LRP1B: variants seen among roughly 807,000 people sequenced by gnomAD.
LRP1B encodes the protein low-density lipoprotein receptor-related protein 1B.
Under a neutral mutation model 556.6 loss-of-function variants are expected in LRP1B, and 217 were observed. The observed-to-expected ratio is 0.39, with a 90% CI of 0.35 to 0.44. The LOEUF (loss-of-function observed/expected upper bound fraction) is 0.44. Among genes scored for constraint, LRP1B ranks in the 20% least tolerant of loss-of-function variants. The pLI is 1.00. For synonymous variants in LRP1B, 2,047 were observed against 1,865.8 expected (o/e 1.10, Z -2.50); for missense variants, 5,053 against 5,620.8 (o/e 0.90, Z 3.23).
intron 15 of LRP1B, among the ~76,000 whole-genome samples, chr2:141,003,660 G>A (rs1697488013): frequency 6.6e-6 from 1 of 151,952 alleles, no homozygotes; most frequent in Non-Finnish European, 1.5e-5. Flanking sequence ...ATGCTTGTGA[G>A]GCCTCCTGAA....
chr2:141,918,537 G>A (rs564115783), intron 1 of LRP1B, among the ~76,000 whole-genome samples: 2 of 151,908 alleles, frequency 1.3e-5, no homozygotes, highest in South Asian at 4.2e-4. Flanking sequence ...CTGCTATGAG[G>A]GCATACTCTT....
chr2:141,400,020 T>A (rs1690391251), intron 3 of LRP1B, among the ~76,000 whole-genome samples: 1 of 152,234 alleles, frequency 6.6e-6, no homozygotes, highest in African/African-American at 2.4e-5. Flanking sequence ...GGGTCTCATT[T>A]TGTCACCCTG....
intron 25 of LRP1B, among the ~76,000 whole-genome samples, chr2:140,868,659 C>T (rs1358590006): frequency 6.6e-6 from 1 of 151,826 alleles, no homozygotes; most frequent in Non-Finnish European, 1.5e-5. Context: ...AGAATGTGGG[C>T]TATTTGAGGA....
chr2:140,840,319 C>T (rs1276531810), intron 30 of LRP1B, among the ~76,000 whole-genome samples: 1 of 152,138 alleles, frequency 6.6e-6, no homozygotes, highest in South Asian at 2.1e-4. Flanking sequence ...ATCTCACTTC[C>T]TTTTTCCTCC....
At chr2:140,986,939 A>G (rs1261278058) in intron 17 of LRP1B, among the ~76,000 whole-genome samples, 1 of 152,202 alleles carries the variant, frequency 6.6e-6, no homozygotes, top group East Asian at 1.9e-4. Flanking sequence ...GGCGGATTCA[A>G]TAACAAAGTA....
chr2:141,142,269 C>G (rs1485105035), intron 7 of LRP1B, among the ~76,000 whole-genome samples: 2 of 152,160 alleles, frequency 1.3e-5, no homozygotes, highest in Non-Finnish European at 2.9e-5. Flanking sequence ...GTTCTAGACT[C>G]TTAGACAAAA....
chr2:140,321,550 AATTTCTAAGTTAGTGT>A (rs908098959), intron 82 of LRP1B, among the ~76,000 whole-genome samples: 3 of 152,060 alleles, frequency 2.0e-5, no homozygotes, highest in Non-Finnish European at 4.4e-5. Context: ...ATTAATTCTC[AATTTCTAAGTTAGTGT>A]TTGGCACACA....
chr2:142,014,118 TCTTA>T (rs1703041797), intron 1 of LRP1B, among the ~76,000 whole-genome samples: 1 of 152,174 alleles, frequency 6.6e-6, no homozygotes, highest in African/African-American at 2.4e-5. Context: ...GCATTCCTCC[TCTTA>T]CTTTCAGGAA....
chr2:140,549,119 ATATT>A (rs1680454209), intron 43 of LRP1B, among the ~76,000 whole-genome samples: 4 of 152,018 alleles, frequency 2.6e-5, no homozygotes. Flanking sequence ...TTATGAATCA[ATATT>A]TATCAAACTT....
intron 33 of LRP1B, among the ~76,000 whole-genome samples, chr2:140,774,197 C>T (rs980234132): frequency 6.6e-6 from 1 of 152,026 alleles, no homozygotes; most frequent in Non-Finnish European, 1.5e-5. Flanking sequence ...AATACAGATG[C>T]TTTTATCAGC....
chr2:141,594,763 A>T lies in LRP1B; in HGVS notation c.206-114230T>A, dbSNP rs186162567. Among the ~76,000 whole-genome samples, 428 of 152,270 alleles carry T rather than the reference A, an allele frequency of 2.8e-3. 4 individuals carry two copies. The highest frequency in any genetic ancestry group is 9.9e-3 in the African/African-American group (411 of 41,558). ...TTTCCTTGGATATAAGCCAAAAAGA[A>T]AAAGAAGATAATTTTTTGAGTTAAT... On this transcript the variant is annotated intron_variant, in intron 2 of 90. Coordinates refer to ENST00000389484, the MANE Select transcript of LRP1B (RefSeq NM_018557.3).
At chr2:142,105,051 G>A (rs1233443171) in intron 1 of LRP1B, among the ~76,000 whole-genome samples, 1 of 152,162 alleles carries the variant, frequency 6.6e-6, no homozygotes, top group African/African-American at 2.4e-5. Context: ...CACAGCACTT[G>A]TTGGCAAACA....
intron 2 of LRP1B, among the ~76,000 whole-genome samples, chr2:141,740,104 A>G (rs1693641183): frequency 6.6e-6 from 1 of 152,160 alleles, no homozygotes; most frequent in Admixed American, 6.6e-5. Flanking sequence ...TTGTTTCATT[A>G]AGTGATAATA....
intron 71 of LRP1B, among the ~76,000 whole-genome samples, chr2:140,366,539 A>G (rs1298099117): frequency 1.3e-5 from 2 of 151,772 alleles, no homozygotes; most frequent in Non-Finnish European, 2.9e-5. Context: ...AGTTTAAAAG[A>G]GAACACAGAG....
chr2:140,587,135 T>C (rs1306357325), intron 43 of LRP1B, among the ~76,000 whole-genome samples: 4 of 151,826 alleles, frequency 2.6e-5, no homozygotes, highest in Non-Finnish European at 5.9e-5. Flanking sequence ...AACTAAAAAG[T>C]AGAATAATAG....
intron 60 of LRP1B, among the ~76,000 whole-genome samples, chr2:140,464,586 A>G (rs574936753): frequency 1.3e-5 from 2 of 152,322 alleles, no homozygotes; most frequent in South Asian, 2.1e-4. Flanking sequence ...GATGATGACA[A>G]TTCTCTCTAA....
intron 7 of LRP1B, among the ~76,000 whole-genome samples, chr2:141,115,655 GTGTT>G (rs879812353): frequency 0.011 from 1,389 of 124,308 alleles, 24 homozygotes; most frequent in African/African-American, 0.031. Flanking sequence ...GTGTGTGTGT[GTGTT>G]TTTTAGTAGA....
intron 71 of LRP1B, among the ~76,000 whole-genome samples, chr2:140,365,438 T>C (rs1682715551): frequency 1.3e-5 from 2 of 151,732 alleles, no homozygotes; most frequent in South Asian, 4.1e-4. Context: ...AATATTCTCA[T>C]ATAAAATTCT....
chr2:140,859,529 C>T (rs995260838), intron 27 of LRP1B, among the ~76,000 whole-genome samples: 1 of 151,948 alleles, frequency 6.6e-6, no homozygotes, highest in African/African-American at 2.4e-5. Context: ...TGTTAAACTA[C>T]TTTTTGAGAA....
Sources: allele counts gnomAD v4.1 joint callset (sites outside exome capture counted in the v4.1 genomes callset), GRCh38; gene constraint gnomAD v4.1.1; transcripts MANE v1.5; gene names NCBI Gene and HGNC (gene_info 2026-07-23, HGNC 2026-07-21).